The following YLPM1 variants were observed in gnomAD, a reference collection of about 807,000 sequenced individuals.
YLPM1 encodes YLP motif containing 1.
A neutral mutation model predicts 230.0 loss-of-function variants in YLPM1; 99 were observed. The observed-to-expected ratio is 0.43, with a 90% CI of 0.37 to 0.51. The LOEUF (loss-of-function observed/expected upper bound fraction) is 0.51. Among genes scored for constraint, YLPM1 ranks in the 20% least tolerant of loss-of-function variants. The probability of loss-of-function intolerance (pLI) is 0.00; values close to 1 mark genes in which losing one functional copy is unlikely to be tolerated. For synonymous variants in YLPM1, 984 were observed against 942.5 expected, an observed-to-expected ratio of 1.04 and a Z score of -0.81; for missense variants, 2,592 against 2,707.7, an observed-to-expected ratio of 0.96 and a Z score of 0.95.
At chr14:74,802,033 A>G (rs1264610224) in intron 5 of YLPM1, among the ~76,000 whole-genome samples, 1 of 151,680 alleles carries the variant, frequency 6.6e-6, no homozygotes, top group Non-Finnish European at 1.5e-5. Flanking sequence ...TGGCCAATAT[A>G]GTGAAACCCC....
rs1396796283 is a variant in YLPM1 at position 74,809,935 on chromosome 14, G to C, written c.4965G>C (p.Gln1655His). ...GRDISTNKVE[Q>H]IPYGERITLR... ...ATATATCCACTAATAAAGTTGAACA[G>C]ATACCTTATGGAGAAAGAATAACTC... is the stretch of plus-strand genomic sequence containing the variant. Residue 1655 changes from glutamine (Q) to histidine (H), a missense_variant, in exon 8 of 21, where the codon CAG (glutamine) becomes CAC (histidine). Around this residue, in one of 4 missense-constraint regions of YLPM1, gnomAD observed 403 missense variants for 426.7 expected, o/e 0.94. Coordinates refer to ENST00000325680, the MANE Select transcript of YLPM1 (RefSeq NM_019589.3). The C allele has an allele frequency of 6.2e-7, 1 of 1,609,452 alleles. No homozygotes were observed. Among genetic ancestry groups the C allele is most frequent in the Non-Finnish European group, 8.5e-7 (1 of 1,177,558 alleles).
rs1177798070 is a variant in YLPM1 at position 74,816,285 on chromosome 14, A to G, written c.5565+20A>G. The stretch of plus-strand genomic sequence containing the variant: ...ATTCGAGTGAGTATGGGGAAGCTGA[A>G]AAATCAGCTGCTTGTGCTGCTTGTG... On this transcript the variant is annotated intron_variant, in intron 12 of 20. Coordinates refer to ENST00000325680, the MANE Select transcript of YLPM1 (RefSeq NM_019589.3). 9 of 1,606,886 alleles carry G rather than the reference A, an allele frequency of 5.6e-6. No individual in the cohort carries two copies. Among genetic ancestry groups the G allele is most frequent in the African/African-American group, 1.3e-5 (1 of 74,938 alleles).
chr14:74,789,319 CGA>C (rs1566746599), intron 4 of YLPM1, among the ~76,000 whole-genome samples: 4 of 152,116 alleles, frequency 2.6e-5, no homozygotes, highest in Admixed American at 6.6e-5. Flanking sequence ...TGGGTTCAAG[CGA>C]TTCTCCTGTC....
At chr14:74,785,136 C>G (rs796134437) in intron 4 of YLPM1, among the ~76,000 whole-genome samples, 25 of 152,248 alleles carry the variant, frequency 1.6e-4, no homozygotes, top group African/African-American at 6.0e-4. Context: ...CTCTCTTATC[C>G]TGAACTTGTG....
chr14:74,764,530 T>G (rs2090892307), intron 1 of YLPM1, among the ~76,000 whole-genome samples, 168 bp downstream of exon 1: 1 of 152,186 alleles, frequency 6.6e-6, no homozygotes, highest in African/African-American at 2.4e-5. Flanking sequence ...TTTAATTAGC[T>G]AGATGTGAAT....
At chr14:74,828,149 C>A in intron 18 of YLPM1, 2 of 318,858 alleles carry the variant, frequency 6.3e-6, no homozygotes, top group Non-Finnish European at 9.1e-6. Context: ...TCTGCCACTG[C>A]TTTCATTGCA....
Position 74,763,356 on chromosome 14 carries a change from G to GGCGCGCTCCGTTT in YLPM1, c.-133_-121dup, listed in dbSNP as rs1566731774. 2 of 1,148,420 alleles carry GGCGCGCTCCGTTT rather than the reference G, an allele frequency of 1.7e-6. No individual in the cohort carries two copies. Among genetic ancestry groups the GGCGCGCTCCGTTT allele is most frequent in the Non-Finnish European group, 2.3e-6 (2 of 883,800 alleles). The allele number at this position is 1,148,420 out of a possible 1,614,324, so 71.1% of individuals were successfully genotyped here. On this transcript the variant is annotated 5_prime_UTR_variant, in exon 1 of 21. Coordinates refer to ENST00000325680, the MANE Select transcript of YLPM1 (RefSeq NM_019589.3). ...CCCAGCTCGGGAGCGCCGGCGCACT[G>GGCGCGCTCCGTTT]GCGCGCTCCGTTTACACGCTCCGGG...
At chr14:74,820,528 G>C (rs1218297588) in intron 16 of YLPM1, among the ~76,000 whole-genome samples, 1 of 152,194 alleles carries the variant, frequency 6.6e-6, no homozygotes, top group East Asian at 1.9e-4. Context: ...GATTATAGGC[G>C]TGAGCCACTG....
intron 19 of YLPM1, among the ~76,000 whole-genome samples, chr14:74,831,764 C>T (rs1467000817): frequency 6.6e-6 from 1 of 152,198 alleles, no homozygotes; most frequent in Admixed American, 6.5e-5. Context: ...GAATGCTGTA[C>T]ATTACTCATT....
chr14:74,796,730 T>TTAAG lies in YLPM1; in HGVS notation c.2283-849_2283-846dup, dbSNP rs370380504. ...CTTTTTAAAATGTCAGAACCTACTC[T>TTAAG]TAAGATAGGGCTACTGTTTCTTTTT... is the stretch of plus-strand genomic sequence containing the variant. On this transcript the variant is annotated intron_variant, in intron 4 of 20. Coordinates refer to ENST00000325680, the MANE Select transcript of YLPM1 (RefSeq NM_019589.3). 4.8e-3 allele frequency among the ~76,000 whole-genome samples: 734 copies of TTAAG among 151,854 alleles called. 1 individual carries two copies. The highest frequency in any genetic ancestry group is 7.5e-3 in the Admixed American group (115 of 15,258).
chr14:74,827,136 T>G (rs2091569749), intron 18 of YLPM1, among the ~76,000 whole-genome samples: 1 of 152,226 alleles, frequency 6.6e-6, no homozygotes. Flanking sequence ...AATACATAGA[T>G]GTATCTAAGG....
chr14:74,790,833 AATATG>A (rs1027872407), intron 4 of YLPM1, among the ~76,000 whole-genome samples: 3 of 152,230 alleles, frequency 2.0e-5, no homozygotes, highest in African/African-American at 7.2e-5. Context: ...ACAGATTTTT[AATATG>A]AGTATCTCTT....
intron 19 of YLPM1, 173 bp from the exon 20 acceptor site, chr14:74,835,092 C>G: frequency 1.3e-6 from 1 of 779,274 alleles, no homozygotes; most frequent in Non-Finnish European, 2.0e-6. Context: ...AGAGAGTTTT[C>G]TCTTTGTGAC....
At chr14:74,825,236 C>T (rs571468039) in intron 18 of YLPM1, among the ~76,000 whole-genome samples, 64 of 152,166 alleles carry the variant, frequency 4.2e-4, no homozygotes, top group South Asian at 6.2e-4. Flanking sequence ...TTTCTGACAT[C>T]AGAGGAGTGC....
intron 16 of YLPM1, among the ~76,000 whole-genome samples, chr14:74,819,995 G>A (rs2091508392): frequency 6.6e-6 from 1 of 152,158 alleles, no homozygotes; most frequent in Non-Finnish European, 1.5e-5. Flanking sequence ...ATGTTATAAA[G>A]TCTAGATTGA....
chr14:74,809,678 T>C lies in YLPM1; in HGVS notation c.4820T>C (p.Val1607Ala). ...SETAAIPSAP[V>A]LPPPPVHSSI... ...ACTGCAGCAATTCCATCTGCTCCAG[T>C]ATTACCACCCCCACCTGTTCACTCT... The change falls in exon 7 of 21, where the codon GTA (valine) becomes GCA (alanine). Residue 1607 changes from valine to alanine, a missense_variant. Physicochemically the swap from Val to Ala is moderately conservative, Grantham distance 64. This residue lies in a region of YLPM1 where 403 missense variants were observed against 426.7 expected (regional missense o/e 0.94). Transcript: ENST00000325680. The C allele has an allele frequency of 6.2e-7, 1 of 1,614,016 alleles. No individual in the cohort carries two copies. The highest frequency in any genetic ancestry group is 8.5e-7 in the Non-Finnish European group (1 of 1,179,882).
intron 19 of YLPM1, 173 bp from the exon 20 acceptor site, chr14:74,835,092 C>T: frequency 1.3e-6 from 1 of 779,274 alleles, no homozygotes; most frequent in Non-Finnish European, 2.0e-6. Context: ...AGAGAGTTTT[C>T]TCTTTGTGAC....
chr14:74,805,745 C>G (rs1277804396), intron 6 of YLPM1, among the ~76,000 whole-genome samples: 3 of 150,534 alleles, frequency 2.0e-5, no homozygotes, highest in Non-Finnish European at 4.4e-5. Flanking sequence ...GTCTGTCACC[C>G]AGGCTGGAGT....
intron 13 of YLPM1, 54 bp downstream of exon 13, chr14:74,816,744 A>G: frequency 1.3e-6 from 2 of 1,545,270 alleles, no homozygotes; most frequent in Non-Finnish European, 1.7e-6. Flanking sequence ...TTTAAAGGAA[A>G]ATGTGTTTGG....
Sources: gnomAD v4.1 joint callset for allele counts (sites outside exome capture counted in the v4.1 genomes callset) on GRCh38, gnomAD v4.1.1 for gene constraint, gnomAD v4.1.1 regional missense constraint, MANE v1.5 for transcripts, NCBI Gene and HGNC (gene_info 2026-07-23, HGNC 2026-07-21) for gene names.